Variants in PARP15 observed in about 807,000 individuals in gnomAD.
PARP15 encodes protein mono-ADP-ribosyltransferase PARP15.
A neutral mutation model predicts 62.1 loss-of-function variants in PARP15; 50 were observed. The observed-to-expected ratio is 0.81, with a 90% CI of 0.64 to 1.02. PARP15 has a LOEUF of 1.02. PARP15 is among the 50% of genes least tolerant of loss of function. The pLI, the probability that PARP15 is intolerant of heterozygous loss-of-function variation, is 0.00. For synonymous variants in PARP15, 309 were observed against 293.1 expected (o/e 1.05, Z -0.55); for missense variants, 820 against 826.5 (o/e 0.99, Z 0.10).
intron 3 of PARP15, among the ~76,000 whole-genome samples, chr3:122,611,332 TTTC>T (rs1378406621): frequency 1.1e-4 from 17 of 151,942 alleles, no homozygotes; most frequent in Admixed American, 3.3e-4. Context: ...AGATAACTGT[TTTC>T]TTCTTCTTCT....
chr3:122,588,358 AT>A (rs35662109), intron 1 of PARP15, among the ~76,000 whole-genome samples: 40,815 of 149,718 alleles, frequency 0.27, 5,792 homozygotes, highest in African/African-American at 0.36. Flanking sequence ...TGGTTTATTG[AT>A]TTTTTTTTTT....
intron 1 of PARP15, among the ~76,000 whole-genome samples, chr3:122,600,396 G>A (rs1023033868): frequency 2.0e-5 from 3 of 151,920 alleles, no homozygotes; most frequent in South Asian, 2.1e-4. Flanking sequence ...ATTTTAAAAC[G>A]TAGCTTTATG....
chr3:122,624,537 C>T (rs867967089), intron 8 of PARP15, among the ~76,000 whole-genome samples: 21 of 152,316 alleles, frequency 1.4e-4, no homozygotes, highest in Middle Eastern at 6.8e-3. Flanking sequence ...AGTGATCAGA[C>T]TTCACTTGCA....
chr3:122,599,220 T>TA (rs1181855454), intron 1 of PARP15, among the ~76,000 whole-genome samples: 11 of 152,164 alleles, frequency 7.2e-5, no homozygotes, highest in African/African-American at 2.7e-4. Flanking sequence ...CCAAATGTAT[T>TA]AGCCAGGTGT....
chr3:122,595,526 T>C (rs1010295196), intron 1 of PARP15, among the ~76,000 whole-genome samples: 57 of 152,108 alleles, frequency 3.7e-4, no homozygotes, highest in African/African-American at 1.3e-3. Flanking sequence ...TACTTTTCGG[T>C]TTTGTCCTAC....
intron 1 of PARP15, among the ~76,000 whole-genome samples, chr3:122,593,178 G>A (rs919174895): frequency 3.4e-5 from 5 of 147,766 alleles, no homozygotes; most frequent in East Asian, 2.0e-4. Context: ...TCCCTCTGTC[G>A]TCCAGGCTGG....
chr3:122,604,001 G>C (rs779934144), intron 1 of PARP15, among the ~76,000 whole-genome samples: 3 of 152,176 alleles, frequency 2.0e-5, no homozygotes, highest in Non-Finnish European at 4.4e-5. Flanking sequence ...GATCTGGGTT[G>C]ATTGAAAAAG....
intron 4 of PARP15, chr3:122,615,242 A>C: frequency 3.1e-6 from 4 of 1,279,382 alleles, no homozygotes; most frequent in Non-Finnish European, 4.1e-6. Flanking sequence ...ACAAAACTTC[A>C]ATGTCTGAGG....
intron 2 of PARP15, 119 bp from the exon 3 acceptor site, chr3:122,610,375 A>C: frequency 1.1e-6 from 1 of 893,404 alleles, no homozygotes; most frequent in Non-Finnish European, 1.7e-6. Flanking sequence ...TGGGGCTGAC[A>C]TGTTAGTATG....
intron 5 of PARP15, among the ~76,000 whole-genome samples, chr3:122,616,327 CTTT>C (rs869254516): frequency 8.2e-6 from 1 of 122,156 alleles, no homozygotes; most frequent in Admixed American, 8.3e-5. Context: ...TCTGAGCAGT[CTTT>C]TTTTTTTTTT....
chr3:122,613,628 TA>T (rs1211363662), intron 4 of PARP15, among the ~76,000 whole-genome samples: 1 of 152,110 alleles, frequency 6.6e-6, no homozygotes, highest in Non-Finnish European at 1.5e-5. Context: ...TTGGATAGCA[TA>T]GACCAGTCTA....
chr3:122,594,670 C>G (rs1370838993), intron 1 of PARP15: 1 of 918,616 alleles, frequency 1.1e-6, no homozygotes, highest in Non-Finnish European at 1.3e-6. Context: ...GCCTCTAAAT[C>G]AAATTACTTT....
At chr3:122,596,749 G>A (rs1934386530) in intron 1 of PARP15, among the ~76,000 whole-genome samples, 1 of 152,144 alleles carries the variant, frequency 6.6e-6, no homozygotes, top group African/African-American at 2.4e-5. Flanking sequence ...TTTTTTAATG[G>A]CTGTACCTCA....
chr3:122,635,106 T>G lies in PARP15; in HGVS notation c.1659T>G (p.Asn553Lys), dbSNP rs1553738891. 2 of 1,613,982 alleles carry G rather than the reference T, an allele frequency of 1.2e-6. No homozygotes were observed. The highest frequency in any genetic ancestry group is 2.2e-5 in the East Asian group (1 of 44,864). Residue 553 changes from asparagine (N) to lysine (K), a missense_variant, in exon 11 of 12, where the codon AAT becomes AAG. Physicochemically the swap from Asn to Lys is moderately conservative, Grantham distance 94. This residue lies in a region of PARP15 where 731 missense variants were observed against 727.7 expected (regional missense o/e 1.00). Coordinates refer to ENST00000464300, the MANE Select transcript of PARP15 (RefSeq NM_001113523.3). Reference protein sequence around the residue: ...QMDIKNDHKNNERLLFHGTDA... With the variant: ...QMDIKNDHKNKERLLFHGTDA... The stretch of plus-strand genomic sequence containing the variant: ...ATATCAAGAATGACCATAAGAATAA[T>G]GAGAGACTCCTCTTCCATGGGACAG...
intron 9 of PARP15, among the ~76,000 whole-genome samples, chr3:122,631,778 A>G (rs1236838636): frequency 6.6e-6 from 1 of 152,260 alleles, no homozygotes; most frequent in East Asian, 1.9e-4. Context: ...TTTACATATT[A>G]GTTTCTTACA....
chr3:122,583,664 TAGGC>T (rs1355872120), intron 1 of PARP15, among the ~76,000 whole-genome samples: 1 of 152,190 alleles, frequency 6.6e-6, no homozygotes, highest in African/African-American at 2.4e-5. Context: ...TAAGCTTTGT[TAGGC>T]AGGAGCAGAG....
rs201322957 is a variant in PARP15, at chr3:122,621,586, G to A, written c.1206G>A (p.Ser402=). The A allele has an allele frequency of 3.8e-5, 60 of 1,599,172 alleles. No individual in the cohort carries two copies. Among genetic ancestry groups the A allele is most frequent in the South Asian group, 1.6e-4 (14 of 87,542 alleles). Residue 402 remains serine, a synonymous_variant, in exon 8 of 12, where the codon TCG becomes TCA. Transcript: ENST00000464300. The part of the protein sequence containing the change: ...LEECEQRKYT[S]VSLPAIGTGN... Reference sequence around the variant, plus strand: ...AGTGTGAACAGAGGAAGTACACATCGGTTTCCCTTCCAGCCATTGGAACAG... The same window carrying A: ...AGTGTGAACAGAGGAAGTACACATCAGTTTCCCTTCCAGCCATTGGAACAG...
chr3:122,602,117 C>G (rs1934841615), intron 1 of PARP15, among the ~76,000 whole-genome samples: 1 of 152,204 alleles, frequency 6.6e-6, no homozygotes, highest in Admixed American at 6.5e-5. Context: ...TTTTGTGCCT[C>G]TCCCAGATGC....
In PARP15 at chr3:122,635,909, T is replaced by C. The variant is rs773640167; in HGVS notation, c.1846T>C (p.Tyr616His). ...AGACAGCAATGGGAGAAAGCACATGTACGTTGTGCGAGTACTTACTGGAGT... is the reference window on the plus strand; with the variant it reads ...AGACAGCAATGGGAGAAAGCACATGCACGTTGTGCGAGTACTTACTGGAGT... ...KPDSNGRKHM[Y>H]VVRVLTGVFT... The change falls in exon 12 of 12, where the codon TAC becomes CAC. Residue 616 changes from tyrosine (Y) to histidine (H), a missense_variant. Around this residue, in one of 3 missense-constraint regions of PARP15, gnomAD observed 84 missense variants for 79.7 expected, o/e 1.05. Coordinates refer to ENST00000464300, the MANE Select transcript of PARP15 (RefSeq NM_001113523.3). 2 of 1,614,160 alleles carry C rather than the reference T, an allele frequency of 1.2e-6. No homozygotes were observed. Among genetic ancestry groups the C allele is most frequent in the South Asian group, 2.2e-5 (2 of 91,082 alleles).
Sources: allele counts gnomAD v4.1 joint callset (sites outside exome capture counted in the v4.1 genomes callset), GRCh38; gene constraint gnomAD v4.1.1; regional missense constraint gnomAD v4.1.1; transcripts MANE v1.5; gene names NCBI Gene and HGNC (gene_info 2026-07-23, HGNC 2026-07-21).